Variants in SYT9 observed in about 807,000 individuals in gnomAD.
SYT9 encodes the protein synaptotagmin-9.
SYT9 carries 22 observed loss-of-function variants against 48.4 expected under a neutral mutation model. The observed-to-expected ratio is 0.45, with a 90% CI of 0.32 to 0.65. The LOEUF (loss-of-function observed/expected upper bound fraction) is 0.65, where lower values mean the gene tolerates loss of function less well. Among genes scored for constraint, SYT9 ranks in the 30% least tolerant of loss-of-function variants. The pLI, the probability that SYT9 is intolerant of heterozygous loss-of-function variation, is 0.03. For synonymous variants in SYT9, 265 were observed against 245.0 expected, an observed-to-expected ratio of 1.08 and a Z score of -0.76; for missense variants, 577 against 622.0, an observed-to-expected ratio of 0.93 and a Z score of 0.77.
intron 3 of SYT9, among the ~76,000 whole-genome samples, chr11:7,413,193 A>G (rs1847172725): frequency 6.6e-6 from 1 of 152,188 alleles, no homozygotes; most frequent in Non-Finnish European, 1.5e-5. Flanking sequence ...TGATTTGCTC[A>G]TGCCTCAGTC....
At chr11:7,264,839 G>A (rs557672166) in intron 1 of SYT9, among the ~76,000 whole-genome samples, 191 of 152,232 alleles carry the variant, frequency 1.3e-3, no homozygotes, top group Middle Eastern at 3.4e-3. Context: ...TAGTTTTGGA[G>A]AGAGTGACAG....
intron 3 of SYT9, among the ~76,000 whole-genome samples, chr11:7,408,477 G>A (rs191624042): frequency 1.2e-3 from 179 of 152,252 alleles, no homozygotes; most frequent in Admixed American, 5.6e-3. Context: ...CATGAGCATG[G>A]GATGTCTTTC....
intron 3 of SYT9, among the ~76,000 whole-genome samples, chr11:7,370,778 C>T (rs1850347630): frequency 6.6e-6 from 1 of 152,096 alleles, no homozygotes; most frequent in South Asian, 2.1e-4. Flanking sequence ...TCACTGTTGT[C>T]CTCAAACAGA....
chr11:7,454,791 GTGCCAGGA>G (rs1398203233), intron 6 of SYT9, among the ~76,000 whole-genome samples: 7 of 152,152 alleles, frequency 4.6e-5, no homozygotes, highest in Non-Finnish European at 2.9e-5. Context: ...CTTCACTAGG[GTGCCAGGA>G]TGAGGAGATG....
At chr11:7,239,612 A>G (rs1589880469) in intron 1 of SYT9, among the ~76,000 whole-genome samples, 2 of 152,212 alleles carry the variant, frequency 1.3e-5, no homozygotes, top group South Asian at 4.1e-4. Context: ...CTGTAGACTA[A>G]TAGATACTGA....
intron 3 of SYT9, among the ~76,000 whole-genome samples, chr11:7,382,853 C>G (rs192912616): frequency 1.3e-5 from 2 of 152,126 alleles, no homozygotes; most frequent in Non-Finnish European, 2.9e-5. Flanking sequence ...GTGGGCTGAT[C>G]CCAGACCCTT....
chr11:7,432,377 T>A (rs1292004400), intron 6 of SYT9, among the ~76,000 whole-genome samples: 1 of 151,430 alleles, frequency 6.6e-6, no homozygotes, highest in African/African-American at 2.4e-5. Flanking sequence ...TGAAACCCTG[T>A]CTCTACTAAA....
intron 3 of SYT9, among the ~76,000 whole-genome samples, chr11:7,388,796 G>A (rs887031876): frequency 1.3e-5 from 2 of 151,964 alleles, no homozygotes; most frequent in African/African-American, 2.4e-5. Context: ...TATAGATTTC[G>A]AGTTTAATTG....
chr11:7,369,719 G>GGT (rs1564879565), intron 3 of SYT9, among the ~76,000 whole-genome samples: 2 of 147,504 alleles, frequency 1.4e-5, no homozygotes, highest in Non-Finnish European at 1.5e-5. Flanking sequence ...CGGATAATGG[G>GGT]TTTTTTTTTA....
chr11:7,400,454 G>T (rs569468711), intron 3 of SYT9, among the ~76,000 whole-genome samples: 2 of 152,320 alleles, frequency 1.3e-5, no homozygotes, highest in South Asian at 4.1e-4. Context: ...TTAAACTCCA[G>T]TTGTTCCTTC....
chr11:7,423,790 A>T lies in SYT9; in HGVS notation c.1467+3155A>T, dbSNP rs144697733. Among the ~76,000 whole-genome samples, 577 of 152,286 alleles carry T rather than the reference A, an allele frequency of 3.8e-3. 1 individual carries two copies. The highest frequency in any genetic ancestry group is 0.013 in the African/African-American group (558 of 41,566). ...CATCTCAGAGTGGGGGGAAGGGGTC[A>T]TCCAGTACTTGGCTAAACACAGATG... On this transcript the variant is annotated intron_variant, in intron 6 of 6. Transcript: ENST00000318881.
chr11:7,427,144 C>T (rs372138390), intron 6 of SYT9: 4 of 152,048 alleles, frequency 2.6e-5, no homozygotes, highest in Non-Finnish European at 5.9e-5. Flanking sequence ...ATTGAGTTCC[C>T]TTCGTTCTAA....
At chr11:7,366,278 G>T (rs372190251) in intron 3 of SYT9, among the ~76,000 whole-genome samples, 1 of 152,090 alleles carries the variant, frequency 6.6e-6, no homozygotes, top group Admixed American at 6.5e-5. Context: ...CCCAGGTCCT[G>T]GCCCCTTTCT....
intron 6 of SYT9, chr11:7,435,789 C>G (rs753896532): frequency 6.6e-6 from 1 of 151,986 alleles, no homozygotes; most frequent in Admixed American, 6.6e-5. Flanking sequence ...AAGATCAGCC[C>G]GACTAACATA....
chr11:7,282,726 T>C (rs1341316947), intron 1 of SYT9, among the ~76,000 whole-genome samples: 2 of 152,182 alleles, frequency 1.3e-5, no homozygotes, highest in African/African-American at 4.8e-5. Flanking sequence ...TGTCCTGTGC[T>C]TTCTGGCAGT....
chr11:7,312,202 C>A (rs1849149167), intron 2 of SYT9, among the ~76,000 whole-genome samples: 1 of 152,106 alleles, frequency 6.6e-6, no homozygotes, highest in African/African-American at 2.4e-5. Context: ...CTCAGCATAA[C>A]AATATCTGTG....
chr11:7,307,372 A>T (rs1849051570), intron 2 of SYT9, among the ~76,000 whole-genome samples: 1 of 152,246 alleles, frequency 6.6e-6, no homozygotes, highest in Non-Finnish European at 1.5e-5. Flanking sequence ...ATTTCTTCAG[A>T]TTTAAATTAA....
At chr11:7,414,081 G>A (rs1483235185) in intron 3 of SYT9, among the ~76,000 whole-genome samples, 1 of 152,208 alleles carries the variant, frequency 6.6e-6, no homozygotes, top group Non-Finnish European at 1.5e-5. Context: ...TAGCATGGAA[G>A]TAATCTGACA....
chr11:7,240,201 C>G (rs11041271), intron 1 of SYT9, among the ~76,000 whole-genome samples: 25,762 of 152,040 alleles, frequency 0.17, 2,427 homozygotes, highest in African/African-American at 0.24. Flanking sequence ...GAGCTGTTGT[C>G]CAGCCTCCCG....
Sources: gnomAD v4.1 joint callset for allele counts (sites outside exome capture counted in the v4.1 genomes callset) on GRCh38, gnomAD v4.1.1 for gene constraint, MANE v1.5 for transcripts, NCBI Gene and HGNC (gene_info 2026-07-23, HGNC 2026-07-21) for gene names.